Variants in PRKN observed in about 807,000 individuals in gnomAD.
PRKN encodes parkin RBR E3 ubiquitin protein ligase, also known as E3 ubiquitin-protein ligase parkin.
A neutral mutation model predicts 59.5 loss-of-function variants in PRKN; 56 were observed. The observed-to-expected ratio is 0.94, with a 90% CI of 0.76 to 1.18. The LOEUF (loss-of-function observed/expected upper bound fraction) is 1.18. PRKN is among the 50% of genes most tolerant of loss of function. PRKN has a pLI of 0.00. For synonymous variants in PRKN, 250 were observed against 222.1 expected, an observed-to-expected ratio of 1.13 and a Z score of -1.12; for missense variants, 657 against 596.4, an observed-to-expected ratio of 1.10 and a Z score of -1.06.
chr6:161,462,121 C>T lies in PRKN; in HGVS notation c.1084-75244G>A, dbSNP rs1399339500. Reference sequence around the variant, plus strand: ...CCGCCACCTGCAATGAGCGGGGACTCACTACGGTAGGGACCTACACATGCT... The same window carrying T: ...CCGCCACCTGCAATGAGCGGGGACTTACTACGGTAGGGACCTACACATGCT... On this transcript the variant is annotated intron_variant, in intron 9 of 11. Coordinates refer to ENST00000366898, the MANE Select transcript of PRKN (RefSeq NM_004562.3). This position sits in a 1 kb window ranked among gnomAD's most constrained non-coding sequence, Gnocchi z 4.5. Among the ~76,000 whole-genome samples, 1 of 151,962 alleles carries T rather than the reference C, an allele frequency of 6.6e-6. No homozygotes were observed. The highest frequency in any genetic ancestry group is 1.5e-5 in the Non-Finnish European group (1 of 67,980).
chr6:161,680,781 T>TTTTGTTTTTG (rs1554292304), intron 7 of PRKN, among the ~76,000 whole-genome samples: 42 of 93,618 alleles, frequency 4.5e-4, no homozygotes, highest in South Asian at 7.4e-4. Flanking sequence ...ATATATTTTT[T>TTTTGTTTTTG]TTTTTTTTTC....
At chr6:162,049,764 T>C (rs1422983545) in intron 5 of PRKN, among the ~76,000 whole-genome samples, 4 of 152,178 alleles carry the variant, frequency 2.6e-5, no homozygotes, top group South Asian at 2.1e-4. Flanking sequence ...ATTTTTGCTA[T>C]TGATAGTTAA....
chr6:162,356,747 T>TAAAAAAA (rs748212596), intron 2 of PRKN, among the ~76,000 whole-genome samples: 24 of 73,016 alleles, frequency 3.3e-4, no homozygotes, highest in Non-Finnish European at 4.4e-4. Flanking sequence ...TGATTATTAG[T>TAAAAAAA]AAAAAAAAAA....
intron 2 of PRKN, among the ~76,000 whole-genome samples, chr6:162,398,402 T>G (rs13213041): frequency 8.8e-6 from 1 of 113,834 alleles, no homozygotes; most frequent in Non-Finnish European, 1.8e-5. Context: ...TTTGTTTTTT[T>G]TTTTTGAGAC....
intron 6 of PRKN, among the ~76,000 whole-genome samples, chr6:161,825,125 C>G (rs1792186185): frequency 6.6e-6 from 1 of 152,026 alleles, no homozygotes; most frequent in Non-Finnish European, 1.5e-5. Flanking sequence ...AAATTATTTT[C>G]TATTCTTTTT....
Position 161,466,956 on chromosome 6 carries a change from A to C in PRKN, c.1084-80079T>G, listed in dbSNP as rs17562869. 0.019 allele frequency among the ~76,000 whole-genome samples: 2,892 copies of C among 152,306 alleles called. 42 individuals are homozygous for C. Among genetic ancestry groups the C allele is most frequent in the Non-Finnish European group, 0.032 (2,148 of 68,028 alleles). The stretch of plus-strand genomic sequence containing the variant: ...TAAAATATTCTTTTCAGGGCAAAGG[A>C]ATGAAATCTCATCAAGAGGTTCCTG... On this transcript the variant is annotated intron_variant, in intron 9 of 11. Coordinates refer to ENST00000366898, the MANE Select transcript of PRKN (RefSeq NM_004562.3). The surrounding 1 kb of genome is among the most constrained non-coding windows in gnomAD (Gnocchi z 5.0).
At chr6:161,903,438 C>A (rs1369372925) in intron 6 of PRKN, among the ~76,000 whole-genome samples, 1 of 152,158 alleles carries the variant, frequency 6.6e-6, no homozygotes, top group African/African-American at 2.4e-5. Flanking sequence ...AGAAGTCAAA[C>A]TTCGCGAAGG....
chr6:161,569,187 T>C (rs1010849745), intron 8 of PRKN, among the ~76,000 whole-genome samples, 168 bp downstream of exon 8: 2 of 152,196 alleles, frequency 1.3e-5, no homozygotes, highest in Admixed American at 6.5e-5. Context: ...GTCTGATGGA[T>C]AGAAGAGGAA....
At position 161,526,513 on chromosome 6, in the gene PRKN, C is replaced by T. The variant is rs908881553; in HGVS notation, c.1083+22341G>A. 1.3e-5 allele frequency among the ~76,000 whole-genome samples: 2 copies of T among 151,426 alleles called. No homozygotes were observed. Among genetic ancestry groups the T allele is most frequent in the Non-Finnish European group, 2.9e-5 (2 of 67,892 alleles). ...TTGCTAATTCTTTCTTGTTTACATG[C>T]TATAACCATTAGAAGCTCTGCTAAC... is the stretch of plus-strand genomic sequence containing the variant. On this transcript the variant is annotated intron_variant, in intron 9 of 11. Transcript: ENST00000366898. The surrounding 1 kb of genome is among the most constrained non-coding windows in gnomAD (Gnocchi z 4.1).
intron 1 of PRKN, among the ~76,000 whole-genome samples, chr6:162,652,906 G>C (rs1230801904): frequency 6.6e-6 from 1 of 152,128 alleles, no homozygotes; most frequent in Non-Finnish European, 1.5e-5. Flanking sequence ...AGTATTCTGA[G>C]CATCTTTTTC....
chr6:161,496,621 C>T (rs1777759707), intron 9 of PRKN, among the ~76,000 whole-genome samples: 1 of 152,204 alleles, frequency 6.6e-6, no homozygotes, highest in Non-Finnish European at 1.5e-5. Flanking sequence ...AAAGCCACCC[C>T]CATGATTCAA....
chr6:162,181,657 T>C (rs776255025), intron 4 of PRKN, among the ~76,000 whole-genome samples: 4 of 152,078 alleles, frequency 2.6e-5, no homozygotes, highest in South Asian at 4.2e-4. Context: ...AAGAGAAACA[T>C]GGGGAGAATC....
In PRKN at chr6:161,883,842, G is replaced by A. The variant is rs553236726; in HGVS notation, c.734+89460C>T. Among the ~76,000 whole-genome samples the A allele has an allele frequency of 2.8e-4, 42 of 151,880 alleles. 1 individual carries two copies. In the South Asian group the frequency reaches 7.9e-3, roughly 29 times the overall value. On this transcript the variant is annotated intron_variant, in intron 6 of 11. Coordinates refer to ENST00000366898, the MANE Select transcript of PRKN (RefSeq NM_004562.3). The stretch of plus-strand genomic sequence containing the variant: ...CAATTTTTGTATTTTTGGTAGAGAC[G>A]GGGTTTCACTATGTCGGCCAGGCTG...
At chr6:161,716,481 G>A (rs374365595) in intron 7 of PRKN, among the ~76,000 whole-genome samples, 13 of 152,082 alleles carry the variant, frequency 8.5e-5, no homozygotes, top group Admixed American at 2.0e-4. Flanking sequence ...TGCTCTTACC[G>A]TCTCAGCCCT....
At chr6:162,469,882 T>TA (rs1396577254) in intron 1 of PRKN, among the ~76,000 whole-genome samples, 2 of 151,938 alleles carry the variant, frequency 1.3e-5, no homozygotes, top group African/African-American at 4.8e-5. Context: ...CCTATGGAAA[T>TA]AAAAAATTTA....
intron 2 of PRKN, among the ~76,000 whole-genome samples, chr6:162,293,167 C>T (rs1030951206): frequency 2.0e-5 from 3 of 152,180 alleles, no homozygotes; most frequent in Admixed American, 6.5e-5. Context: ...CCCAGTTTCA[C>T]TTCAGTAGAG....
intron 1 of PRKN, among the ~76,000 whole-genome samples, chr6:162,506,064 G>A (rs1793593566): frequency 6.6e-6 from 1 of 152,070 alleles, no homozygotes; most frequent in Non-Finnish European, 1.5e-5. Context: ...TTGGTGCTGG[G>A]AGTGAAGAAA....
At chr6:162,109,651 G>A (rs1780338515) in intron 4 of PRKN, among the ~76,000 whole-genome samples, 1 of 152,162 alleles carries the variant, frequency 6.6e-6, no homozygotes, top group South Asian at 2.1e-4. Flanking sequence ...GAGTTACAGT[G>A]TGCACTCCTC....
rs371602451 is a variant in PRKN at position 162,727,233 on chromosome 6, G to A, written c.7+429C>T. The A allele has an allele frequency of 6.9e-4, 123 of 177,216 alleles. No individual in the cohort carries two copies. In the East Asian group the frequency reaches 9.0e-3, roughly 13 times the overall value. The allele number at this position is 177,216 out of a possible 1,614,324, so 11.0% of individuals were successfully genotyped here. A position where few individuals can be genotyped will look rare whatever the true frequency, so the allele number is the denominator to read the frequency against. ...CGGTTTCCTGAAAGAGCCCCACAGA[G>A]AGTGGGTCTCGATGGGTCCTGAACC... On this transcript the variant is annotated intron_variant, in intron 1 of 11. Transcript: ENST00000366898.
Sources: gnomAD v4.1 joint callset for allele counts (sites outside exome capture counted in the v4.1 genomes callset) on GRCh38, gnomAD v4.1.1 for gene constraint, Gnocchi (gnomAD v3.1) non-coding constraint, MANE v1.5 for transcripts, NCBI Gene and HGNC (gene_info 2026-07-23, HGNC 2026-07-21) for gene names.